The following UGT1A6 variants were observed in gnomAD, a reference collection of about 807,000 sequenced individuals.
UGT1A6 encodes the protein UDP-glucuronosyltransferase 1A6.
Under a neutral mutation model 44.4 loss-of-function variants are expected in UGT1A6, and 32 were observed. That is an observed-to-expected ratio of 0.72 (90% CI 0.54 to 0.97). The LOEUF is 0.97. Ranked by LOEUF, UGT1A6 falls within the 50% of genes least tolerant of loss-of-function variation. The pLI is 0.00. For synonymous variants in UGT1A6, 238 were observed against 248.5 expected, an observed-to-expected ratio of 0.96 and a Z score of 0.40; for missense variants, 685 against 661.9, an observed-to-expected ratio of 1.03 and a Z score of -0.38.
rs144275831 is a variant in UGT1A6, at chr2:233,718,988, C to A, written c.861+25123C>A. 175 of 1,614,210 alleles carry A rather than the reference C, an allele frequency of 1.1e-4. 1 individual carries two copies. In the Middle Eastern group the frequency reaches 1.3e-3, roughly 12 times the overall value. ...TGCGGGAGCTCCATGCCAGAGGCCA[C>A]CAGGCGGTGGTCCTCACCCCAGAGG... On this transcript the variant is annotated intron_variant, in intron 1 of 4. Coordinates refer to ENST00000305139, the MANE Select transcript of UGT1A6 (RefSeq NM_001072.4).
At chr2:233,755,940 ATC>A (rs35754645) in intron 1 of UGT1A6, 54,950 of 151,954 alleles carry the variant, frequency 0.36, 10,325 homozygotes, top group African/African-American at 0.45. Flanking sequence ...CAGTTTTTGC[ATC>A]TCTCTCTTTA....
At chr2:233,732,108 C>T (rs1321461905) in intron 1 of UGT1A6, among the ~76,000 whole-genome samples, 1 of 150,998 alleles carries the variant, frequency 6.6e-6, no homozygotes, top group Non-Finnish European at 1.5e-5. Context: ...TGTTCATATC[C>T]TTTGCCCACT....
At chr2:233,765,400 T>G (rs1698825297) in intron 1 of UGT1A6, among the ~76,000 whole-genome samples, 1 of 152,170 alleles carries the variant, frequency 6.6e-6, no homozygotes, top group Admixed American at 6.5e-5. Context: ...ATGTGGTACA[T>G]ATACACCATG....
chr2:233,726,610 C>T (rs1191468440), intron 1 of UGT1A6, among the ~76,000 whole-genome samples: 1 of 152,148 alleles, frequency 6.6e-6, no homozygotes, highest in Non-Finnish European at 1.5e-5. Context: ...TTACACTGTC[C>T]TGCCCAGATA....
At chr2:233,764,379 G>A (rs1698547509) in intron 1 of UGT1A6, among the ~76,000 whole-genome samples, 1 of 152,204 alleles carries the variant, frequency 6.6e-6, no homozygotes, top group South Asian at 2.1e-4. Flanking sequence ...TCAGGTAGGA[G>A]TTGGCCGTGA....
intron 1 of UGT1A6, among the ~76,000 whole-genome samples, chr2:233,766,144 C>T (rs2126022792): frequency 6.6e-6 from 1 of 152,268 alleles, no homozygotes; most frequent in South Asian, 2.1e-4. Flanking sequence ...TCGAATCCCA[C>T]CTGGGCTTGG....
chr2:233,699,498 C>A (rs899655583), intron 1 of UGT1A6, among the ~76,000 whole-genome samples: 2 of 152,166 alleles, frequency 1.3e-5, no homozygotes, highest in African/African-American at 4.8e-5. Flanking sequence ...ACTTGTAATA[C>A]AAAGAACTGT....
At position 233,714,761 on chromosome 2, in the gene UGT1A6, T is replaced by C. The variant is rs545127473; in HGVS notation, c.861+20896T>C. Among the ~76,000 whole-genome samples, 4 of 152,384 alleles carry C rather than the reference T, an allele frequency of 2.6e-5. No homozygotes were observed. The East Asian group carries it at 7.7e-4, about 29-fold the overall frequency. ...TCTAGCATATATTTGACACTTACAG[T>C]ATATCTCAATTTGGAATAGCCACAT... On this transcript the variant is annotated intron_variant, in intron 1 of 4. Coordinates refer to ENST00000305139, the MANE Select transcript of UGT1A6 (RefSeq NM_001072.4).
At chr2:233,739,849 C>T (rs1691223512) in intron 1 of UGT1A6, among the ~76,000 whole-genome samples, 2 of 151,976 alleles carry the variant, frequency 1.3e-5, no homozygotes, top group Admixed American at 1.3e-4. Context: ...TTGGGATGGG[C>T]CAGAGGGCAG....
intron 1 of UGT1A6, chr2:233,713,686 C>T (rs779646185): frequency 1.2e-6 from 2 of 1,611,180 alleles, no homozygotes; most frequent in South Asian, 1.1e-5. Flanking sequence ...GCTCCTTATG[C>T]AAGCCTTGCC....
chr2:233,712,400 T>C (rs967947733), intron 1 of UGT1A6, among the ~76,000 whole-genome samples: 4 of 151,972 alleles, frequency 2.6e-5, no homozygotes, highest in Non-Finnish European at 5.9e-5. Context: ...TCAGAGAGAG[T>C]CCTCTTTGAG....
chr2:233,702,690 G>A (rs1234332787), intron 1 of UGT1A6, among the ~76,000 whole-genome samples: 1 of 152,084 alleles, frequency 6.6e-6, no homozygotes, highest in African/African-American at 2.4e-5. Flanking sequence ...GTTTGGTTTT[G>A]TCAAATGCTT....
chr2:233,767,704 T>A, intron 2 of UGT1A6, 145 bp from the exon 3 acceptor site: 1 of 1,518,956 alleles, frequency 6.6e-7, no homozygotes, highest in East Asian at 2.4e-5. Context: ...TTGCCAGTCC[T>A]CAGAAGCCTT....
chr2:233,753,934 C>A (rs115652249), intron 1 of UGT1A6, among the ~76,000 whole-genome samples: 1,716 of 152,270 alleles, frequency 0.011, 38 homozygotes, highest in African/African-American at 0.04. Context: ...ATATGGGATT[C>A]AAATGTATGA....
At position 233,746,718 on chromosome 2, in the gene UGT1A6, T is replaced by A. The variant is rs1161016418; in HGVS notation, c.862-20316T>A. The stretch of plus-strand genomic sequence containing the variant: ...ATAAATATTTGGTGGATAAGGGAAT[T>A]AGCAATGGATTCTGCTTTGGTTCCA... On this transcript the variant is annotated intron_variant, in intron 1 of 4. Transcript: ENST00000305139. Among the ~76,000 whole-genome samples, 3 of 151,822 alleles carry A rather than the reference T, an allele frequency of 2.0e-5. 1 individual carries two copies. Among genetic ancestry groups the A allele is most frequent in the African/African-American group, 7.3e-5 (3 of 41,076 alleles).
chr2:233,724,161 C>A (rs1575550445), intron 1 of UGT1A6, among the ~76,000 whole-genome samples: 1 of 122,434 alleles, frequency 8.2e-6, no homozygotes, highest in African/African-American at 3.7e-5. Context: ...GGTGGGGGGG[C>A]TGACCCCCCC....
chr2:233,718,187 C>G (rs1403409338), intron 1 of UGT1A6, among the ~76,000 whole-genome samples: 2 of 152,200 alleles, frequency 1.3e-5, no homozygotes, highest in Non-Finnish European at 2.9e-5. Flanking sequence ...TGAGCTCAGC[C>G]TCCCCGGAGC....
In UGT1A6 at chr2:233,717,239, G is replaced by A. The variant is rs28898607; in HGVS notation, c.861+23374G>A. 4.1e-3 allele frequency among the ~76,000 whole-genome samples: 632 copies of A among 152,306 alleles called. 8 individuals are homozygous for A. Among genetic ancestry groups the A allele is most frequent in the African/African-American group, 0.014 (600 of 41,574 alleles). On this transcript the variant is annotated intron_variant, in intron 1 of 4. Coordinates refer to ENST00000305139, the MANE Select transcript of UGT1A6 (RefSeq NM_001072.4). ...TCATCAGGAGGGTTCTTAAGATGCAGACAGTTTTAAGGGGGTTGGAGGAAT... is the reference window on the plus strand; with the variant it reads ...TCATCAGGAGGGTTCTTAAGATGCAAACAGTTTTAAGGGGGTTGGAGGAAT...
intron 1 of UGT1A6, chr2:233,755,338 G>T (rs569505432): frequency 4.6e-6 from 2 of 431,822 alleles, no homozygotes; most frequent in South Asian, 2.1e-5. Flanking sequence ...CCCGCGCACA[G>T]GTCAGAGGCT....
Sources: allele counts gnomAD v4.1 joint callset (sites outside exome capture counted in the v4.1 genomes callset), GRCh38; gene constraint gnomAD v4.1.1; transcripts MANE v1.5; gene names NCBI Gene and HGNC (gene_info 2026-07-23, HGNC 2026-07-21).